Variants in MAP3K15 observed in about 807,000 individuals in gnomAD.
MAP3K15 encodes the protein MAPK/ERK kinase kinase 15.
MAP3K15 carries 124 observed loss-of-function variants against 99.5 expected under a neutral mutation model. The observed-to-expected ratio is 1.25, with a 90% CI of 1.08 to 1.45. The LOEUF (loss-of-function observed/expected upper bound fraction) is 1.45, where lower values mean the gene tolerates loss of function less well. Ranked by LOEUF, MAP3K15 falls within the 40% of genes most tolerant of loss-of-function variation. The pLI is 0.00. For missense variants in MAP3K15, 1,242 were observed against 1,079.7 expected, an observed-to-expected ratio of 1.15 and a Z score of -2.11; for synonymous variants, 494 against 439.6, an observed-to-expected ratio of 1.12 and a Z score of -1.55.
rs1449791081 is a variant in MAP3K15 at position 19,488,833 on chromosome X, AAG to A, written c.494_495del (p.Ser165PhefsTer28). On this transcript the variant is annotated frameshift_variant, in exon 2 of 29. Transcript: ENST00000338883. LOFTEE classifies it high-confidence loss of function. ...AGAAGGTGAATACACTGTACCTTCA[AAG>A]AGAGAGCAGTGTCGGCATCGGTGTC... Reference protein sequence around the residue: ...YHDTDADTALSLKDMVTQKNT... With the variant: ...YHDTDADTALXLKDMVTQKNT... The A allele has an allele frequency of 8.4e-7, 1 of 1,196,808 alleles. No homozygotes were observed. Among genetic ancestry groups the A allele is most frequent in the Non-Finnish European group, 1.1e-6 (1 of 893,735 alleles).
At chrX:19,410,906 C>T (rs1004933914) in intron 11 of MAP3K15, among the ~76,000 whole-genome samples, 13 of 111,575 alleles carry the variant, frequency 1.2e-4, no homozygotes, top group Admixed American at 1.1e-3. Context: ...TTGGGCCAGG[C>T]GTGGTGGCTT....
rs910095148 is a variant in MAP3K15 at position 19,422,314 on chromosome X, A to G, written c.1439+3217T>C. Among the ~76,000 whole-genome samples, 424 of 111,763 alleles carry G rather than the reference A, an allele frequency of 3.8e-3. 3 individuals carry two copies. The highest frequency in any genetic ancestry group is 0.013 in the African/African-American group (395 of 30,752). On this transcript the variant is annotated intron_variant, in intron 9 of 28. Transcript: ENST00000338883. Reference sequence around the variant, plus strand: ...ATGGCTAATATCCAGAATCTACAATAAACTCCAACAAATTTACAAGAAAAA... The same window carrying G: ...ATGGCTAATATCCAGAATCTACAATGAACTCCAACAAATTTACAAGAAAAA...
At chrX:19,371,197 G>A (rs2063372770) in intron 23 of MAP3K15, 133 bp from the exon 24 acceptor site, 1 of 803,851 alleles carries the variant, frequency 1.2e-6, no homozygotes, top group Non-Finnish European at 1.8e-6. Flanking sequence ...TCACCCAGAT[G>A]CCATTTCCTG....
rs1483865360 is a variant in MAP3K15, at chrX:19,374,572, G to T, written c.2678C>A (p.Pro893His). 1.7e-6 allele frequency: 2 copies of T among 1,211,493 alleles called. No homozygotes were observed. The highest frequency in any genetic ancestry group is 5.9e-5 in the East Asian group (2 of 33,835). ...CTCAGCAGTGGTGGCACGTTTGTGG[G>T]GGTCAGGCTCGAAACAGGATAAAAT... is the stretch of plus-strand genomic sequence containing the variant. ...AFILSCFEPD[P>H]HKRATTAELL... The change falls in exon 20 of 29, where the codon CCC becomes CAC. Residue 893 changes from proline to histidine, a missense_variant. Transcript: ENST00000338883.
intron 3 of MAP3K15, among the ~76,000 whole-genome samples, chrX:19,478,383 A>G (rs1365541596): frequency 9.3e-6 from 1 of 107,110 alleles, no homozygotes; most frequent in Non-Finnish European, 1.9e-5. Context: ...GAAAAGAGAA[A>G]AGAAACTTAA....
At chrX:19,422,050 C>A (rs1361292852) in intron 9 of MAP3K15, among the ~76,000 whole-genome samples, 9 of 110,537 alleles carry the variant, frequency 8.1e-5, no homozygotes, top group East Asian at 2.8e-4. Flanking sequence ...TAAAGACTTA[C>A]ATGTTAGACC....
At chrX:19,437,048 A>G (rs1214588165) in intron 6 of MAP3K15, among the ~76,000 whole-genome samples, 1 of 111,468 alleles carries the variant, frequency 9.0e-6, no homozygotes, top group African/African-American at 3.3e-5. Context: ...TAAATGGCCA[A>G]TCCATTCTTC....
chrX:19,491,128 C>T (rs868616655), intron 1 of MAP3K15, among the ~76,000 whole-genome samples: 3 of 111,612 alleles, frequency 2.7e-5, no homozygotes, highest in Admixed American at 9.5e-5. Context: ...TGTAGAGAGG[C>T]GCTGGGAACC....
intron 25 of MAP3K15, among the ~76,000 whole-genome samples, chrX:19,367,326 G>A (rs750363943): frequency 9.0e-6 from 1 of 110,995 alleles, no homozygotes; most frequent in Non-Finnish European, 1.9e-5. Flanking sequence ...GCCTACCAGA[G>A]GGTGGAGGCT....
rs184420697 is a variant in MAP3K15, at chrX:19,373,326, G to C, written c.2933+210C>G. The stretch of plus-strand genomic sequence containing the variant: ...AGAGGTGGGGGAGGGCACATGTGGG[G>C]AATGAAAGGACAGGGAGGGAGGGGA... On this transcript the variant is annotated intron_variant, in intron 21 of 28. Transcript: ENST00000338883. The C allele has an allele frequency of 7.5e-3, 3,165 of 421,399 alleles. 108 individuals carry two copies. Among genetic ancestry groups the C allele is most frequent in the African/African-American group, 0.074 (2,676 of 36,291 alleles). The allele number at this position is 421,399 out of a possible 1,213,427, so 34.7% of individuals were successfully genotyped here. A position where few individuals can be genotyped will look rare whatever the true frequency, so the allele number is the denominator to read the frequency against.
intron 1 of MAP3K15, among the ~76,000 whole-genome samples, chrX:19,494,621 C>T (rs2064388680): frequency 9.0e-6 from 1 of 111,198 alleles, no homozygotes; most frequent in Non-Finnish European, 1.9e-5. Context: ...CATTAGTCAA[C>T]AAAGTGATAT....
intron 12 of MAP3K15, among the ~76,000 whole-genome samples, chrX:19,407,882 T>C (rs905574479): frequency 8.9e-6 from 1 of 112,062 alleles, no homozygotes; most frequent in African/African-American, 3.2e-5. Flanking sequence ...CAGAGAGCAG[T>C]GGCCCTCATG....
At chrX:19,424,577 C>T (rs370539175) in intron 9 of MAP3K15, among the ~76,000 whole-genome samples, 1 of 110,971 alleles carries the variant, frequency 9.0e-6, no homozygotes, top group African/African-American at 3.3e-5. Flanking sequence ...AATTCTCAGG[C>T]GTCCACCCCA....
intron 3 of MAP3K15, among the ~76,000 whole-genome samples, chrX:19,472,564 G>C (rs1311821183): frequency 1.8e-4 from 20 of 111,185 alleles, no homozygotes; most frequent in African/African-American, 5.9e-4. Context: ...ATGGTAACTT[G>C]AATCCACAGG....
chrX:19,460,171 C>A lies in MAP3K15; in HGVS notation c.720-18G>T. The A allele has an allele frequency of 1.8e-6, 2 of 1,124,836 alleles. No homozygotes were observed. The highest frequency in any genetic ancestry group is 5.1e-5 in the Admixed American group (2 of 39,336). The allele number at this position is 1,124,836 out of a possible 1,213,427, so 92.7% of individuals were successfully genotyped here. A position where few individuals can be genotyped will look rare whatever the true frequency, so the allele number is the denominator to read the frequency against. On this transcript the variant is annotated intron_variant, in intron 4 of 28. Coordinates refer to ENST00000338883, the MANE Select transcript of MAP3K15 (RefSeq NM_001001671.4). ...AATAAACACTATAGAAAGAAAAACA[C>A]AAAATCCTCCAGTCACATCTGCACG...
At position 19,447,618 on chromosome X, in the gene MAP3K15, T is replaced by G. The variant is rs185685591; in HGVS notation, c.995+9295A>C. The stretch of plus-strand genomic sequence containing the variant: ...CACCCACGAGGCCGGGCGCGGTGGC[T>G]CACGCCTGTAATCCCAGCACTTTGG... On this transcript the variant is annotated intron_variant, in intron 6 of 28. Coordinates refer to ENST00000338883, the MANE Select transcript of MAP3K15 (RefSeq NM_001001671.4). Among the ~76,000 whole-genome samples, 9 of 109,195 alleles carry G rather than the reference T, an allele frequency of 8.2e-5. No individual in the cohort carries two copies. In the East Asian group the frequency reaches 2.6e-3, roughly 32 times the overall value. 94.8% of individuals were successfully genotyped at this position (109,195 alleles called of 115,157 possible). A position where few individuals can be genotyped will look rare whatever the true frequency, so the allele number is the denominator to read the frequency against.
chrX:19,469,643 T>C (rs1174500663), intron 3 of MAP3K15, among the ~76,000 whole-genome samples: 5 of 110,757 alleles, frequency 4.5e-5, no homozygotes, highest in Non-Finnish European at 7.6e-5. Context: ...ATTTTTGCAA[T>C]CTACTCATCT....
At chrX:19,425,716 C>T in intron 8 of MAP3K15, 26 bp from the exon 9 acceptor site, 4 of 1,166,091 alleles carry the variant, frequency 3.4e-6, no homozygotes, top group Non-Finnish European at 4.6e-6. Flanking sequence ...TTTTGATAGT[C>T]AGAATAATCT....
intron 18 of MAP3K15, among the ~76,000 whole-genome samples, chrX:19,383,577 C>A (rs2063474727): frequency 8.9e-6 from 1 of 112,129 alleles, no homozygotes; most frequent in South Asian, 3.7e-4. Context: ...TTGCAAAATA[C>A]CCCTCTGCCA....
Sources: allele counts gnomAD v4.1 joint callset (sites outside exome capture counted in the v4.1 genomes callset), GRCh38; gene constraint gnomAD v4.1.1; transcripts MANE v1.5; gene names NCBI Gene and HGNC (gene_info 2026-07-23, HGNC 2026-07-21).